The following FAM228B variants were observed in gnomAD, a reference collection of about 807,000 sequenced individuals.
FAM228B encodes family with sequence similarity 228 member B.
In FAM228B, 38 loss-of-function variants were observed where a neutral mutation model predicts 42.6. The ratio of observed to expected loss-of-function variants is 0.89; its 90% confidence interval spans 0.69 to 1.17. FAM228B has a LOEUF of 1.17. Among genes scored for constraint, FAM228B ranks in the 50% most tolerant of loss-of-function variants. The probability of loss-of-function intolerance (pLI) is 0.00; values close to 1 mark genes in which losing one functional copy is unlikely to be tolerated. For missense variants in FAM228B, 344 were observed against 367.3 expected, an observed-to-expected ratio of 0.94 and a Z score of 0.52; for synonymous variants, 109 against 122.3, an observed-to-expected ratio of 0.89 and a Z score of 0.72.
chr2:24,138,055 G>A lies in FAM228B; in HGVS notation c.315G>A (p.Arg105=), dbSNP rs192823071. 3,170 of 1,540,162 alleles carry A rather than the reference G, an allele frequency of 2.1e-3. 5 individuals carry two copies. The highest frequency in any genetic ancestry group is 2.6e-3 in the Non-Finnish European group (2,953 of 1,144,444). Residue 105 remains arginine, a synonymous_variant, in exon 4 of 11, where the codon AGG becomes AGA. Transcript: ENST00000615575. ...KVCSHKKIKK[R]RQGELDGFLK... ...GCTCACATAAGAAGATTAAAAAAAG[G>A]AGGCAAGGGGAATTAGATGGCTTTT...
chr2:24,110,549 G>A (rs990029674), intron 3 of FAM228B, among the ~76,000 whole-genome samples: 1 of 152,202 alleles, frequency 6.6e-6, no homozygotes, highest in Non-Finnish European at 1.5e-5. Context: ...GGAACAACAA[G>A]GTTTGGAGAG....
chr2:24,130,006 C>T (rs956971363), intron 2 of FAM228B, among the ~76,000 whole-genome samples: 1 of 152,150 alleles, frequency 6.6e-6, no homozygotes, highest in African/African-American at 2.4e-5. Flanking sequence ...TGTTCCCCTC[C>T]CTGGGTCCAT....
At chr2:24,097,147 A>G (rs1481618198) in intron 3 of FAM228B, 2 of 152,184 alleles carry the variant, frequency 1.3e-5, no homozygotes, top group Non-Finnish European at 2.9e-5. Context: ...GAAAGGAACA[A>G]CTGGTACCAG....
At chr2:24,108,411 G>A (rs551337471) in intron 3 of FAM228B, among the ~76,000 whole-genome samples, 2 of 152,166 alleles carry the variant, frequency 1.3e-5, no homozygotes, top group African/African-American at 4.8e-5. Context: ...ACAAAAAATT[G>A]AGGAGGAGGG....
intron 3 of FAM228B, among the ~76,000 whole-genome samples, chr2:24,136,967 C>T (rs1056524729): frequency 6.6e-6 from 1 of 152,166 alleles, no homozygotes; most frequent in Non-Finnish European, 1.5e-5. Flanking sequence ...AATCTACCTT[C>T]TGGCTCTATG....
chr2:24,106,066 TC>T (rs1665692148), intron 3 of FAM228B, among the ~76,000 whole-genome samples: 1 of 152,124 alleles, frequency 6.6e-6, no homozygotes, highest in Non-Finnish European at 1.5e-5. Context: ...CATGAAAATT[TC>T]CTGAAGCTTG....
upstream of FAM228B, chr2:24,122,779 G>T: frequency 2.8e-6 from 1 of 355,308 alleles, no homozygotes; most frequent in Non-Finnish European, 5.0e-6. Flanking sequence ...GCTGAGTTTG[G>T]AAAATCACAG....
At chr2:24,158,549 G>A (rs1489241253) in intron 7 of FAM228B, among the ~76,000 whole-genome samples, 1 of 152,112 alleles carries the variant, frequency 6.6e-6, no homozygotes. Flanking sequence ...TGGAGATGGT[G>A]CTTTTAGAAA....
chr2:24,122,090 G>A (rs1666135468), upstream of FAM228B, among the ~76,000 whole-genome samples: 2 of 152,128 alleles, frequency 1.3e-5, no homozygotes, highest in Admixed American at 1.3e-4. Context: ...CCAGCACTTT[G>A]GGAGGCCGAG....
chr2:24,093,620 A>AT lies in FAM228B; in HGVS notation c.-209-1508dup, dbSNP rs34596881. Among the ~76,000 whole-genome samples the AT allele has an allele frequency of 5.4e-3, 782 of 145,736 alleles. 5 individuals are homozygous for AT. Among genetic ancestry groups the AT allele is most frequent in the African/African-American group, 0.013 (532 of 39,610 alleles). On this transcript the variant is annotated intron_variant, in intron 2 of 10. Coordinates refer to the FAM228B transcript ENST00000613899. ...AGTGCTGCAATAAACATATGTGTGC[A>AT]TTTTTTTTTTTTTGAGACAGAATCT... is the stretch of plus-strand genomic sequence containing the variant.
At chr2:24,159,676 G>A (rs4665253) in intron 7 of FAM228B, among the ~76,000 whole-genome samples, 90,996 of 152,020 alleles carry the variant, frequency 0.6, 28,181 homozygotes, top group East Asian at 0.74. Context: ...TATGCATCCC[G>A]TCCCTCTTTC....
chr2:24,144,332 G>A lies in FAM228B; in HGVS notation c.442-2416G>A, dbSNP rs1317180327. 2.0e-5 allele frequency among the ~76,000 whole-genome samples: 3 copies of A among 152,106 alleles called. No homozygotes were observed. The East Asian group carries it at 5.8e-4, about 29-fold the overall frequency. On this transcript the variant is annotated intron_variant, in intron 5 of 10. Coordinates refer to ENST00000615575, the MANE Select transcript of FAM228B (RefSeq NM_001145710.2). ...CACACCTGTGGTCCCAGCCACTCGGGAGGTGGAGGTGGGAGGATGGCCTGA... is the reference window on the plus strand; with the variant it reads ...CACACCTGTGGTCCCAGCCACTCGGAAGGTGGAGGTGGGAGGATGGCCTGA...
In FAM228B at chr2:24,084,563, C is replaced by T. The variant is rs1665177101; in HGVS notation, c.-210+3608C>T. 2.1e-6 allele frequency: 1 copy of T among 479,874 alleles called. No individual in the cohort carries two copies. Among genetic ancestry groups the T allele is most frequent in the South Asian group, 3.5e-5 (1 of 28,252 alleles). 29.7% of individuals were successfully genotyped at this position (479,874 alleles called of 1,614,324 possible). A position where few individuals can be genotyped will look rare whatever the true frequency, so the allele number is the denominator to read the frequency against. On this transcript the variant is annotated intron_variant, in intron 2 of 10. Coordinates refer to the FAM228B transcript ENST00000613899. This position sits in a 1 kb window ranked among gnomAD's most constrained non-coding sequence, Gnocchi z 8.4. ...TGGGAAGTCCTCGGCCGCCTCCAGA[C>T]CGATCCCACCCGGAACACAGATGGG...
At chr2:24,147,215 ACTCTG>A in intron 7 of FAM228B, 129 bp downstream of exon 7, 1 of 606,480 alleles carries the variant, frequency 1.6e-6, no homozygotes, top group Non-Finnish European at 2.6e-6. Flanking sequence ...ACAGAGTCTC[ACTCTG>A]AAAATTTCAT....
chr2:24,092,489 C>T (rs188955238), intron 2 of FAM228B, among the ~76,000 whole-genome samples: 2 of 151,470 alleles, frequency 1.3e-5, no homozygotes, highest in African/African-American at 4.8e-5. Context: ...GCAGGAGACT[C>T]GCTTGAGCCT....
At chr2:24,151,057 C>G (rs1667009158) in intron 7 of FAM228B, among the ~76,000 whole-genome samples, 1 of 152,142 alleles carries the variant, frequency 6.6e-6, no homozygotes, top group Non-Finnish European at 1.5e-5. Flanking sequence ...GCCAATAACT[C>G]TTAGATTTGC....
At position 24,077,950 on chromosome 2, in the gene FAM228B, C is replaced by G. The variant is rs190083804; in HGVS notation, c.-290+981C>G. 6.6e-6 allele frequency among the ~76,000 whole-genome samples: 1 copy of G among 152,240 alleles called. No individual in the cohort carries two copies. The highest frequency in any genetic ancestry group is 2.4e-5 in the African/African-American group (1 of 41,522). On this transcript the variant is annotated intron_variant, in intron 1 of 10. Coordinates refer to the FAM228B transcript ENST00000613899. This position sits in a 1 kb window ranked among gnomAD's most constrained non-coding sequence, Gnocchi z 5.5. ...AGTCATGTGCCATCTCAGAATATGT[C>G]CGATAGGTATATTGTTAATTTTGAG...
chr2:24,155,883 A>G (rs1487622394), intron 7 of FAM228B, among the ~76,000 whole-genome samples: 3 of 152,158 alleles, frequency 2.0e-5, no homozygotes, highest in Admixed American at 6.5e-5. Flanking sequence ...TTTCCTATAT[A>G]TCCTATAGAG....
chr2:24,101,709 G>T (rs1197142934), intron 3 of FAM228B, among the ~76,000 whole-genome samples: 2 of 151,754 alleles, frequency 1.3e-5, no homozygotes, highest in Non-Finnish European at 2.9e-5. Context: ...TAAAGACGGG[G>T]TCTCGCACTT....
Sources: gnomAD v4.1 joint callset for allele counts (sites outside exome capture counted in the v4.1 genomes callset) on GRCh38, gnomAD v4.1.1 for gene constraint, Gnocchi (gnomAD v3.1) non-coding constraint, MANE v1.5 for transcripts, NCBI Gene and HGNC (gene_info 2026-07-23, HGNC 2026-07-21) for gene names.